The following USH2A variants were observed in gnomAD, a reference collection of about 807,000 sequenced individuals.
USH2A encodes Usher syndrome 2A (autosomal recessive, mild).
USH2A carries 443 observed loss-of-function variants against 538.9 expected under a neutral mutation model. The observed-to-expected ratio is 0.82, with a 90% CI of 0.76 to 0.89. USH2A has a LOEUF of 0.89. USH2A is among the 40% of genes least tolerant of loss of function. USH2A has a pLI of 0.00. For synonymous variants in USH2A, 2,413 were observed against 2,273.5 expected (o/e 1.06, Z -1.75); for missense variants, 6,633 against 6,324.8 (o/e 1.05, Z -1.65).
chr1:216,295,956 AT>A (rs539553073), intron 9 of USH2A, among the ~76,000 whole-genome samples: 7 of 150,940 alleles, frequency 4.6e-5, no homozygotes, highest in Middle Eastern at 3.4e-3. Context: ...AGTCAAAAGC[AT>A]TTTTTTTTGG....
chr1:215,821,965 T>C (rs1168970161), intron 47 of USH2A, among the ~76,000 whole-genome samples: 1 of 152,118 alleles, frequency 6.6e-6, no homozygotes, highest in South Asian at 2.1e-4. Flanking sequence ...TTCTCTATTC[T>C]ATTCCATTGG....
intron 61 of USH2A, among the ~76,000 whole-genome samples, chr1:215,693,116 G>GTATATATATATA (rs1553253927): frequency 0.011 from 1,494 of 133,192 alleles, 13 homozygotes; most frequent in South Asian, 0.034. Flanking sequence ...GTGTGTATGT[G>GTATATATATATA]TATATATATA....
chr1:215,928,247 TACAA>T (rs1376902787), intron 38 of USH2A, among the ~76,000 whole-genome samples: 1 of 152,124 alleles, frequency 6.6e-6, no homozygotes, highest in Non-Finnish European at 1.5e-5. Flanking sequence ...AATAGGGAGC[TACAA>T]ACATTTTAAA....
At chr1:215,846,078 T>C in intron 44 of USH2A, 45 bp from the exon 45 acceptor site, 1 of 1,585,670 alleles carries the variant, frequency 6.3e-7, no homozygotes, top group Non-Finnish European at 8.6e-7. Flanking sequence ...GCTGAGGCTT[T>C]CAGGGGAAAA....
chr1:215,831,948 A>G (rs1184728699), intron 47 of USH2A, among the ~76,000 whole-genome samples: 2 of 152,030 alleles, frequency 1.3e-5, no homozygotes, highest in Non-Finnish European at 2.9e-5. Context: ...CTTACTACCA[A>G]TATCAGAAAT....
chr1:216,089,874 G>A (rs1019723899), intron 22 of USH2A, among the ~76,000 whole-genome samples: 4 of 151,498 alleles, frequency 2.6e-5, no homozygotes, highest in African/African-American at 9.7e-5. Context: ...CACTACTTTC[G>A]AGAAAAGTAA....
At chr1:215,904,008 A>T (rs1004515497) in intron 38 of USH2A, among the ~76,000 whole-genome samples, 4 of 152,156 alleles carry the variant, frequency 2.6e-5, no homozygotes, top group Admixed American at 6.6e-5. Context: ...ATATACTTTA[A>T]TTGATTTATA....
At chr1:215,910,035 A>G (rs920020532) in intron 38 of USH2A, among the ~76,000 whole-genome samples, 4 of 152,042 alleles carry the variant, frequency 2.6e-5, no homozygotes, top group African/African-American at 9.7e-5. Context: ...GGAAGGTGTC[A>G]GTCTATAGAT....
intron 3 of USH2A, among the ~76,000 whole-genome samples, chr1:216,386,532 A>C (rs1170902839): frequency 1.1e-5 from 1 of 91,634 alleles, no homozygotes; most frequent in African/African-American, 4.1e-5. Context: ...AAAAACAAAA[A>C]CCAAAAAACT....
intron 49 of USH2A, among the ~76,000 whole-genome samples, chr1:215,809,020 T>C (rs1057048713): frequency 6.6e-6 from 1 of 152,102 alleles, no homozygotes; most frequent in African/African-American, 2.4e-5. Flanking sequence ...TCCTATAATA[T>C]GGTATCTCTA....
intron 38 of USH2A, among the ~76,000 whole-genome samples, chr1:215,914,961 C>A (rs1459659653): frequency 6.6e-6 from 1 of 152,150 alleles, no homozygotes; most frequent in African/African-American, 2.4e-5. Flanking sequence ...ACAATGCTAA[C>A]ATCTTGATAT....
At chr1:215,795,655 C>T (rs994913189) in intron 50 of USH2A, among the ~76,000 whole-genome samples, 7 of 152,152 alleles carry the variant, frequency 4.6e-5, no homozygotes, top group African/African-American at 1.7e-4. Flanking sequence ...AACACTTTTG[C>T]ACCCTCCCTG....
At chr1:216,383,259 A>C (rs1450888718) in intron 3 of USH2A, among the ~76,000 whole-genome samples, 3 of 152,190 alleles carry the variant, frequency 2.0e-5, no homozygotes, top group Non-Finnish European at 4.4e-5. Context: ...GGGTACAGGC[A>C]TTAGAAAGAC....
At chr1:215,805,656 A>G (rs1261738744) in intron 49 of USH2A, among the ~76,000 whole-genome samples, 1 of 152,122 alleles carries the variant, frequency 6.6e-6, no homozygotes, top group Admixed American at 6.6e-5. Flanking sequence ...GCCTGGCTTC[A>G]GAGATCACTT....
intron 61 of USH2A, among the ~76,000 whole-genome samples, chr1:215,690,955 C>A (rs1413862061): frequency 6.6e-6 from 1 of 152,178 alleles, no homozygotes; most frequent in African/African-American, 2.4e-5. Flanking sequence ...AGCCTCTTGG[C>A]TCACTGCAAC....
At chr1:215,780,489 CA>C (rs1158846361) in intron 54 of USH2A, among the ~76,000 whole-genome samples, 2 of 152,184 alleles carry the variant, frequency 1.3e-5, no homozygotes, top group Non-Finnish European at 2.9e-5. Context: ...ATGCTTTGAA[CA>C]GAATAAATGG....
chr1:216,209,288 C>G (rs962147159), intron 15 of USH2A, among the ~76,000 whole-genome samples: 2 of 152,122 alleles, frequency 1.3e-5, no homozygotes, highest in Non-Finnish European at 2.9e-5. Flanking sequence ...ACACAGGGAG[C>G]GGGGAATTAA....
At chr1:215,978,091 C>G (rs1667665107) in intron 35 of USH2A, among the ~76,000 whole-genome samples, 1 of 152,144 alleles carries the variant, frequency 6.6e-6, no homozygotes, top group African/African-American at 2.4e-5. Flanking sequence ...TGCACCACTG[C>G]ACTCCAGCCT....
At chr1:216,289,832 A>G (rs951177126) in intron 10 of USH2A, among the ~76,000 whole-genome samples, 1 of 152,194 alleles carries the variant, frequency 6.6e-6, no homozygotes, top group African/African-American at 2.4e-5. Context: ...ATATTTTTCT[A>G]GAACTCAATC....
Sources: gnomAD v4.1 joint callset for allele counts (sites outside exome capture counted in the v4.1 genomes callset) on GRCh38, gnomAD v4.1.1 for gene constraint, MANE v1.5 for transcripts, NCBI Gene and HGNC (gene_info 2026-07-23, HGNC 2026-07-21) for gene names.